The following BDH1 variants were observed in gnomAD, a reference collection of about 807,000 sequenced individuals.
BDH1 encodes D-beta-hydroxybutyrate dehydrogenase, mitochondrial.
Under a neutral mutation model 33.1 loss-of-function variants are expected in BDH1, and 30 were observed. The observed-to-expected ratio is 0.91, with a 90% CI of 0.68 to 1.23. The LOEUF is 1.23. Among genes scored for constraint, BDH1 ranks in the 50% most tolerant of loss-of-function variants. BDH1 has a pLI of 0.00. For synonymous variants in BDH1, 190 were observed against 183.6 expected, an observed-to-expected ratio of 1.03 and a Z score of -0.28; for missense variants, 443 against 464.4, an observed-to-expected ratio of 0.95 and a Z score of 0.42.
chr3:197,511,846 C>T lies in BDH1; in HGVS notation c.*49G>A. 2.0e-6 allele frequency: 3 copies of T among 1,498,570 alleles called. No homozygotes were observed. The South Asian group carries it at 4.0e-5, about 20-fold the overall frequency. The allele number at this position is 1,498,570 out of a possible 1,614,324, so 92.8% of individuals were successfully genotyped here. A position where few individuals can be genotyped will look rare whatever the true frequency, so the allele number is the denominator to read the frequency against. ...GAGTTGACTATATGGGTTCCTCCCT[C>T]CCCTCCCCTTCCACCAGGGATCCCT... is the stretch of plus-strand genomic sequence containing the variant. On this transcript the variant is annotated 3_prime_UTR_variant, in exon 8 of 8. Transcript: ENST00000392379.
At chr3:197,524,236 G>C (rs925963783) in intron 5 of BDH1, among the ~76,000 whole-genome samples, 10 of 152,242 alleles carry the variant, frequency 6.6e-5, no homozygotes, top group African/African-American at 2.4e-4. Flanking sequence ...AAGAGGACAG[G>C]ACTAGCAGCC....
Position 197,523,857 on chromosome 3 carries a change from G to A in BDH1, c.268-1076C>T, listed in dbSNP as rs993463366. On this transcript the variant is annotated intron_variant, in intron 5 of 7. Transcript: ENST00000392379. The surrounding 1 kb of genome is among the most constrained non-coding windows in gnomAD (Gnocchi z 4.5). ...GCACTGTGGGAAGAGATAAGAGGAC[G>A]CCACCAGAAGCCATTGGTTGCAGGC... Among the ~76,000 whole-genome samples the A allele has an allele frequency of 1.3e-5, 2 of 152,172 alleles. No homozygotes were observed. The highest frequency in any genetic ancestry group is 6.5e-5 in the Admixed American group (1 of 15,286).
At chr3:197,567,261 G>A (rs1580021155) in intron 1 of BDH1, among the ~76,000 whole-genome samples, 1 of 152,180 alleles carries the variant, frequency 6.6e-6, no homozygotes, top group African/African-American at 2.4e-5. Context: ...GGAGGGAAAC[G>A]TGAAAGGAAG....
chr3:197,570,440 G>T (rs1717570355), intron 1 of BDH1, among the ~76,000 whole-genome samples: 1 of 152,240 alleles, frequency 6.6e-6, no homozygotes, highest in African/African-American at 2.4e-5. Flanking sequence ...AAAGACCTTT[G>T]TGGCAGCCCC....
intron 5 of BDH1, among the ~76,000 whole-genome samples, chr3:197,524,347 G>A (rs1161821521): frequency 6.6e-6 from 1 of 152,236 alleles, no homozygotes; most frequent in African/African-American, 2.4e-5. Flanking sequence ...GGGCAAGGGT[G>A]GAAAGCCCAG....
At chr3:197,545,586 A>T (rs13097456) in intron 3 of BDH1, among the ~76,000 whole-genome samples, 39,031 of 152,154 alleles carry the variant, frequency 0.26, 5,291 homozygotes, top group Middle Eastern at 0.32. Flanking sequence ...GACACCTCCG[A>T]GCCATGTGGG....
rs924292755 is a variant in BDH1 at position 197,522,664 on chromosome 3, A to C, written c.385T>G (p.Ser129Ala). ...EVEKVVEIVR[S>A]SLKDPEKGMW... Reference sequence around the variant, plus strand: ...CCTTTCTCAGGGTCCTTCAGGCTCGAGCGGACAATCTCCACCACTTTCTCC... The same window carrying C: ...CCTTTCTCAGGGTCCTTCAGGCTCGCGCGGACAATCTCCACCACTTTCTCC... Residue 129 changes from serine to alanine, a missense_variant, in exon 6 of 8, where the codon TCG (serine) becomes GCG (alanine). By Grantham distance (99) the Ser-to-Ala change is moderately conservative. Coordinates refer to ENST00000392379, the MANE Select transcript of BDH1 (RefSeq NM_203314.3). The surrounding 1 kb of genome is among the most constrained non-coding windows in gnomAD (Gnocchi z 4.8). 6.2e-7 allele frequency: 1 copy of C among 1,614,000 alleles called. No individual in the cohort carries two copies. The highest frequency in any genetic ancestry group is 1.7e-5 in the Admixed American group (1 of 59,996).
Position 197,522,599 on chromosome 3 carries a change from G to A in BDH1, c.409+41C>T. On this transcript the variant is annotated intron_variant, in intron 6 of 7. Transcript: ENST00000392379. The surrounding 1 kb of genome is among the most constrained non-coding windows in gnomAD (Gnocchi z 4.8). Reference sequence around the variant, plus strand: ...GTGTTCGGCAAGTGCCCCTTGGAATGGCCCCATACACAACCCCTGCCGTCC... The same window carrying A: ...GTGTTCGGCAAGTGCCCCTTGGAATAGCCCCATACACAACCCCTGCCGTCC... The A allele has an allele frequency of 6.2e-7, 1 of 1,610,312 alleles. No individual in the cohort carries two copies. The highest frequency in any genetic ancestry group is 1.3e-5 in the African/African-American group (1 of 75,010).
rs779651281 is a variant in BDH1 at position 197,523,718 on chromosome 3, T to A, written c.268-937A>T. 1.9e-4 allele frequency among the ~76,000 whole-genome samples: 29 copies of A among 152,092 alleles called. No homozygotes were observed. Among genetic ancestry groups the A allele is most frequent in the Non-Finnish European group, 3.2e-4 (22 of 67,984 alleles). ...GCACGTAAGCGACACAGTGACTGTG[T>A]GCTGTATGGAACCTGGCGGGAGGTG... On this transcript the variant is annotated intron_variant, in intron 5 of 7. Transcript: ENST00000392379. The surrounding 1 kb of genome is among the most constrained non-coding windows in gnomAD (Gnocchi z 4.5).
chr3:197,571,865 C>T (rs1256489688), intron 1 of BDH1, among the ~76,000 whole-genome samples: 3 of 152,162 alleles, frequency 2.0e-5, no homozygotes, highest in African/African-American at 7.2e-5. Flanking sequence ...GAGTTCAAGA[C>T]CAGCCTAGGC....
chr3:197,550,845 A>G (rs1469736629), intron 2 of BDH1, among the ~76,000 whole-genome samples: 1 of 152,214 alleles, frequency 6.6e-6, no homozygotes, highest in Non-Finnish European at 1.5e-5. Flanking sequence ...GTCTCTGTGT[A>G]ATTTAAGCAG....
intron 3 of BDH1, among the ~76,000 whole-genome samples, chr3:197,545,599 T>C (rs916451345): frequency 1.3e-5 from 2 of 152,200 alleles, no homozygotes; most frequent in Non-Finnish European, 2.9e-5. Context: ...CATGTGGGAT[T>C]TGGGATTCGA....
At chr3:197,538,446 G>A (rs982347431) in intron 3 of BDH1, 1 of 449,988 alleles carries the variant, frequency 2.2e-6, no homozygotes, top group Non-Finnish European at 4.5e-6. Flanking sequence ...CCGCCTCCTG[G>A]GTTCAAGCGA....
At chr3:197,543,846 G>C (rs997072649) in intron 3 of BDH1, among the ~76,000 whole-genome samples, 4 of 152,202 alleles carry the variant, frequency 2.6e-5, no homozygotes, top group Non-Finnish European at 5.9e-5. Flanking sequence ...AGGTGGCACA[G>C]TGCCCCTGGG....
At chr3:197,549,809 G>T (rs1329252510) in intron 2 of BDH1, among the ~76,000 whole-genome samples, 3 of 152,204 alleles carry the variant, frequency 2.0e-5, no homozygotes, top group Admixed American at 1.3e-4. Context: ...TTAAAAAGCA[G>T]TGTAACTAGG....
chr3:197,553,400 G>T (rs1486279684), intron 2 of BDH1, among the ~76,000 whole-genome samples: 1 of 150,930 alleles, frequency 6.6e-6, no homozygotes, highest in South Asian at 2.1e-4. Flanking sequence ...GTGGTCGCTC[G>T]CGCCTGTAGT....
chr3:197,539,852 G>A lies in BDH1; in HGVS notation c.84-6291C>T, dbSNP rs990902986. 2.6e-5 allele frequency among the ~76,000 whole-genome samples: 4 copies of A among 152,362 alleles called. No homozygotes were observed. The East Asian group carries it at 7.7e-4, about 29-fold the overall frequency. On this transcript the variant is annotated intron_variant, in intron 3 of 7. Transcript: ENST00000392379. ...CCTTAAAAACTCTTGATTCCTGAAT[G>A]TTTGGAGAGACTGATTTGAGTAATA...
intron 5 of BDH1, among the ~76,000 whole-genome samples, chr3:197,524,277 G>T (rs941300695): frequency 6.6e-6 from 1 of 152,184 alleles, no homozygotes; most frequent in Non-Finnish European, 1.5e-5. Flanking sequence ...ATGCCCACTC[G>T]CCAGCCAAGG....
At chr3:197,538,345 T>G in intron 3 of BDH1, 1 of 454,790 alleles carries the variant, frequency 2.2e-6, no homozygotes, top group Non-Finnish European at 4.4e-6. Context: ...AATTTTGTTT[T>G]TTGTTTTGTT....
Sources: allele counts gnomAD v4.1 joint callset (sites outside exome capture counted in the v4.1 genomes callset), GRCh38; gene constraint gnomAD v4.1.1; non-coding constraint Gnocchi (gnomAD v3.1); transcripts MANE v1.5; gene names NCBI Gene and HGNC (gene_info 2026-07-23, HGNC 2026-07-21).